The following GULP1 variants were observed in gnomAD, a reference collection of about 807,000 sequenced individuals.
GULP1 encodes GULP PTB domain containing engulfment adaptor 1.
GULP1 carries 19 observed loss-of-function variants against 40.9 expected under a neutral mutation model. The ratio of observed to expected loss-of-function variants is 0.46; its 90% CI spans 0.32 to 0.68. The LOEUF (loss-of-function observed/expected upper bound fraction) is 0.68, where lower values mean the gene tolerates loss of function less well. Ranked by LOEUF, GULP1 falls within the 30% of genes least tolerant of loss-of-function variation. GULP1 has a pLI of 0.03. For synonymous variants in GULP1, 119 were observed against 117.6 expected (o/e 1.01, Z -0.08); for missense variants, 312 against 362.2 (o/e 0.86, Z 1.12).
intron 1 of GULP1, among the ~76,000 whole-genome samples, chr2:188,294,911 A>T (rs966376181): frequency 6.6e-6 from 1 of 152,240 alleles, no homozygotes; most frequent in Non-Finnish European, 1.5e-5. Context: ...TTGAATACCC[A>T]TGTAATAATG....
intron 1 of GULP1, among the ~76,000 whole-genome samples, chr2:188,352,069 G>A (rs551894581): frequency 2.0e-5 from 3 of 152,040 alleles, no homozygotes; most frequent in Admixed American, 6.5e-5. Context: ...ACTTTCAGAT[G>A]TGAACCAATT....
At position 188,399,588 on chromosome 2, in the gene GULP1, T is replaced by TTA. The variant is rs557211051; in HGVS notation, c.-45+15703_-45+15704dup. ...CATCAAACTGTCCAGGTGCAGTGGC[T>TTA]TATATCTGTAATCCCAGCACTTTTG... On this transcript the variant is annotated intron_variant, in intron 2 of 11. Transcript: ENST00000409830. Among the ~76,000 whole-genome samples, 68 of 151,124 alleles carry TTA rather than the reference T, an allele frequency of 4.5e-4. 1 individual carries two copies. The highest frequency in any genetic ancestry group is 6.8e-3 in the Middle Eastern group (2 of 294).
chr2:188,372,972 A>T (rs902088052), intron 1 of GULP1, among the ~76,000 whole-genome samples: 1 of 152,018 alleles, frequency 6.6e-6, no homozygotes, highest in African/African-American at 2.4e-5. Flanking sequence ...AATAGGCTGA[A>T]GAGAAAGATG....
At chr2:188,442,826 C>T (rs2058052162) in intron 2 of GULP1, among the ~76,000 whole-genome samples, 1 of 152,158 alleles carries the variant, frequency 6.6e-6, no homozygotes, top group Admixed American at 6.5e-5. Context: ...CTATAAAATT[C>T]ATGACTTTGA....
At chr2:188,544,281 T>A (rs1434941271) in intron 7 of GULP1, among the ~76,000 whole-genome samples, 5 of 152,018 alleles carry the variant, frequency 3.3e-5, no homozygotes, top group Non-Finnish European at 7.4e-5. Flanking sequence ...GATATTATAA[T>A]TATAGGACAA....
At chr2:188,342,458 T>C (rs2043100821) in intron 1 of GULP1, among the ~76,000 whole-genome samples, 1 of 152,196 alleles carries the variant, frequency 6.6e-6, no homozygotes, top group Non-Finnish European at 1.5e-5. Flanking sequence ...AGGATGATTT[T>C]ATCTGAATTT....
At chr2:188,453,161 T>C (rs2058974326) in intron 2 of GULP1, among the ~76,000 whole-genome samples, 2 of 152,156 alleles carry the variant, frequency 1.3e-5, no homozygotes, top group African/African-American at 4.8e-5. Context: ...TGTATTTATC[T>C]ACCACAAATA....
intron 9 of GULP1, among the ~76,000 whole-genome samples, chr2:188,576,034 T>C (rs1388906399): frequency 1.3e-5 from 2 of 152,140 alleles, no homozygotes; most frequent in Non-Finnish European, 2.9e-5. Flanking sequence ...GGAGCAGGAA[T>C]GTCCCTTCAG....
chr2:188,499,921 C>T (rs1289379807), intron 4 of GULP1, among the ~76,000 whole-genome samples: 1 of 151,506 alleles, frequency 6.6e-6, no homozygotes, highest in Non-Finnish European at 1.5e-5. Flanking sequence ...GCTCTTAATC[C>T]ACAGAATGCT....
At chr2:188,310,150 T>C (rs2037829818) in intron 1 of GULP1, among the ~76,000 whole-genome samples, 1 of 152,188 alleles carries the variant, frequency 6.6e-6, no homozygotes, top group Non-Finnish European at 1.5e-5. Context: ...CTGTTAGAGT[T>C]CTGTAGCTGT....
At chr2:188,357,792 C>T (rs542738663) in intron 1 of GULP1, among the ~76,000 whole-genome samples, 11 of 151,962 alleles carry the variant, frequency 7.2e-5, no homozygotes, top group Admixed American at 2.6e-4. Context: ...TAACAATAGC[C>T]GAGATATGGA....
chr2:188,582,271 C>T (rs1475876085), intron 9 of GULP1: 1 of 421,262 alleles, frequency 2.4e-6, no homozygotes, highest in Non-Finnish European at 4.9e-6. Flanking sequence ...AAATAAATTT[C>T]AAGTATACTT....
intron 1 of GULP1, among the ~76,000 whole-genome samples, chr2:188,314,397 C>G (rs1429316526): frequency 2.0e-5 from 3 of 152,046 alleles, no homozygotes; most frequent in African/African-American, 7.2e-5. Flanking sequence ...GAACCCATGT[C>G]CTAGTGTCCT....
intron 1 of GULP1, among the ~76,000 whole-genome samples, chr2:188,354,470 A>AGTCT (rs1266850896): frequency 2.0e-5 from 3 of 152,138 alleles, no homozygotes; most frequent in African/African-American, 7.2e-5. Context: ...TTCTGTGGGC[A>AGTCT]ATCTATATCC....
At chr2:188,308,968 G>A (rs1251012131) in intron 1 of GULP1, among the ~76,000 whole-genome samples, 1 of 152,122 alleles carries the variant, frequency 6.6e-6, no homozygotes, top group African/African-American at 2.4e-5. Context: ...GTGTGTCTCT[G>A]TTTAGCTTGG....
At chr2:188,406,403 A>G (rs1357394980) in intron 2 of GULP1, among the ~76,000 whole-genome samples, 1 of 152,208 alleles carries the variant, frequency 6.6e-6, no homozygotes, top group Non-Finnish European at 1.5e-5. Flanking sequence ...TTGATATGCA[A>G]CACATGACTG....
chr2:188,575,483 A>G (rs543948160), intron 9 of GULP1, among the ~76,000 whole-genome samples: 1 of 152,230 alleles, frequency 6.6e-6, no homozygotes, highest in East Asian at 1.9e-4. Flanking sequence ...TATATATGCT[A>G]TGAATAAAAC....
At chr2:188,376,700 T>G (rs1173228263) in intron 1 of GULP1, among the ~76,000 whole-genome samples, 1 of 152,212 alleles carries the variant, frequency 6.6e-6, no homozygotes, top group Non-Finnish European at 1.5e-5. Flanking sequence ...TTTGCCAAAT[T>G]GTCAAAGATT....
intron 1 of GULP1, among the ~76,000 whole-genome samples, chr2:188,305,603 A>G (rs2036923664): frequency 6.6e-6 from 1 of 152,220 alleles, no homozygotes; most frequent in Non-Finnish European, 1.5e-5. Context: ...GCATTATAAC[A>G]AGGACTATGA....
Sources: allele counts gnomAD v4.1 joint callset (sites outside exome capture counted in the v4.1 genomes callset), GRCh38; gene constraint gnomAD v4.1.1; transcripts MANE v1.5; gene names NCBI Gene and HGNC (gene_info 2026-07-23, HGNC 2026-07-21).